The following GALNT18 variants were observed in gnomAD, a reference collection of about 807,000 sequenced individuals.
The protein encoded by GALNT18 is polypeptide N-acetylgalactosaminyltransferase 18.
GALNT18 carries 44 observed loss-of-function variants against 69.5 expected under a neutral mutation model. That is an observed-to-expected ratio of 0.63 (90% CI 0.50 to 0.81). GALNT18 has a LOEUF of 0.81. Among genes scored for constraint, GALNT18 ranks in the 40% least tolerant of loss-of-function variants. GALNT18 has a pLI of 0.00. For synonymous variants in GALNT18, 364 were observed against 318.2 expected (o/e 1.14, Z -1.53); for missense variants, 715 against 810.0 (o/e 0.88, Z 1.42).
chr11:11,324,977 C>T (rs1467354424), intron 9 of GALNT18, among the ~76,000 whole-genome samples: 4 of 152,162 alleles, frequency 2.6e-5, no homozygotes, highest in Non-Finnish European at 5.9e-5. Context: ...AGTAGAACTA[C>T]CATTTGATCC....
chr11:11,381,708 A>G (rs927875697), intron 3 of GALNT18, among the ~76,000 whole-genome samples: 6 of 152,032 alleles, frequency 3.9e-5, no homozygotes, highest in African/African-American at 1.2e-4. Flanking sequence ...TCATTAGGCC[A>G]CCCCACAAAG....
At chr11:11,330,655 C>G (rs971811573) in intron 8 of GALNT18, among the ~76,000 whole-genome samples, 1 of 152,202 alleles carries the variant, frequency 6.6e-6, no homozygotes, top group African/African-American at 2.4e-5. Flanking sequence ...AGGCCCAGCT[C>G]TGGACTCAGA....
At chr11:11,280,955 A>C (rs926182716) in intron 10 of GALNT18, among the ~76,000 whole-genome samples, 10 of 152,188 alleles carry the variant, frequency 6.6e-5, no homozygotes, top group African/African-American at 2.4e-4. Context: ...TCCATGGCCC[A>C]CATTTCCTTA....
At chr11:11,277,058 A>G (rs1287930224) in intron 10 of GALNT18, among the ~76,000 whole-genome samples, 3 of 151,924 alleles carry the variant, frequency 2.0e-5, no homozygotes, top group African/African-American at 4.8e-5. Flanking sequence ...CTCTTTTTCT[A>G]TTGATTGGAA....
At chr11:11,420,927 T>C (rs147355494) in intron 3 of GALNT18, among the ~76,000 whole-genome samples, 1 of 152,138 alleles carries the variant, frequency 6.6e-6, no homozygotes, top group Non-Finnish European at 1.5e-5. Context: ...CTTTTTTTTT[T>C]GTATTTGATT....
chr11:11,464,564 C>T (rs1856116084), intron 1 of GALNT18, among the ~76,000 whole-genome samples: 1 of 152,226 alleles, frequency 6.6e-6, no homozygotes, highest in African/African-American at 2.4e-5. Flanking sequence ...GAGAAAGACA[C>T]ATTGGCTTGC....
intron 1 of GALNT18, among the ~76,000 whole-genome samples, chr11:11,460,598 C>G (rs1164002204): frequency 6.6e-6 from 1 of 152,200 alleles, no homozygotes; most frequent in Non-Finnish European, 1.5e-5. Context: ...CTCCCTCGTA[C>G]ACTCACTAAC....
rs1850127681 is a variant in GALNT18, at chr11:11,337,121, A to C, written c.1278+3698T>G. 6.6e-6 allele frequency among the ~76,000 whole-genome samples: 1 copy of C among 152,176 alleles called. No individual in the cohort carries two copies. The highest frequency in any genetic ancestry group is 2.4e-5 in the African/African-American group (1 of 41,428). ...TTGTAGATTCTGGCACCTACCGCTC[A>C]AAATCCTCTCTGAGGATGAGACCCA... On this transcript the variant is annotated intron_variant, in intron 7 of 10. Coordinates refer to ENST00000227756, the MANE Select transcript of GALNT18 (RefSeq NM_198516.3). This position sits in a 1 kb window ranked among gnomAD's most constrained non-coding sequence, Gnocchi z 4.9.
In GALNT18 at chr11:11,389,481, G is replaced by A. The variant is rs551152722; in HGVS notation, c.596-10217C>T. Among the ~76,000 whole-genome samples the A allele has an allele frequency of 2.0e-5, 3 of 152,202 alleles. No individual in the cohort carries two copies. The highest frequency in any genetic ancestry group is 3.8e-4 in the East Asian group (2 of 5,198). On this transcript the variant is annotated intron_variant, in intron 3 of 10. Transcript: ENST00000227756. The surrounding 1 kb of genome is among the most constrained non-coding windows in gnomAD (Gnocchi z 4.3). Reference sequence around the variant, plus strand: ...GAGGAAAATCCTGTAAAGTAAAGGTGGGGCAATGGACCAAACACTGTGAAA... The same window carrying A: ...GAGGAAAATCCTGTAAAGTAAAGGTAGGGCAATGGACCAAACACTGTGAAA...
At chr11:11,495,501 T>C (rs1375076764) in intron 1 of GALNT18, among the ~76,000 whole-genome samples, 2 of 152,086 alleles carry the variant, frequency 1.3e-5, no homozygotes, top group African/African-American at 4.8e-5. Context: ...CCAAATGAGC[T>C]CCACTCTTAA....
rs1479633380 is a variant in GALNT18 at position 11,562,970 on chromosome 11, C to A, written c.235+58389G>T. Among the ~76,000 whole-genome samples the A allele has an allele frequency of 6.6e-6, 1 of 152,178 alleles. No homozygotes were observed. On this transcript the variant is annotated intron_variant, in intron 1 of 10. Transcript: ENST00000227756. The surrounding 1 kb of genome is among the most constrained non-coding windows in gnomAD (Gnocchi z 4.1). The stretch of plus-strand genomic sequence containing the variant: ...GATCGGAAGAGACTCCCAGGAACTA[C>A]ATGCTTCCAACATGTGCTCTTTCTC...
At position 11,383,637 on chromosome 11, in the gene GALNT18, A is replaced by C. The variant is rs1409324236; in HGVS notation, c.596-4373T>G. ...AGTTCACCCATTCATTCATTCATTC[A>C]TTCAACAAATATTGAACACTTACTG... is the stretch of plus-strand genomic sequence containing the variant. On this transcript the variant is annotated intron_variant, in intron 3 of 10. Coordinates refer to ENST00000227756, the MANE Select transcript of GALNT18 (RefSeq NM_198516.3). The surrounding 1 kb of genome is among the most constrained non-coding windows in gnomAD (Gnocchi z 5.2). Among the ~76,000 whole-genome samples the C allele has an allele frequency of 1.3e-5, 2 of 152,164 alleles. No individual in the cohort carries two copies. The highest frequency in any genetic ancestry group is 2.9e-5 in the Non-Finnish European group (2 of 68,036).
At chr11:11,506,579 T>C (rs1447100468) in intron 1 of GALNT18, among the ~76,000 whole-genome samples, 4 of 152,220 alleles carry the variant, frequency 2.6e-5, no homozygotes, top group Non-Finnish European at 4.4e-5. Context: ...TGGCCATGCA[T>C]CAACCAGAAC....
rs1274567623 is a variant in GALNT18 at position 11,337,534 on chromosome 11, C to A, written c.1278+3285G>T. On this transcript the variant is annotated intron_variant, in intron 7 of 10. Transcript: ENST00000227756. This position sits in a 1 kb window ranked among gnomAD's most constrained non-coding sequence, Gnocchi z 4.9. Reference sequence around the variant, plus strand: ...AGCCACTGTTCTAATGAGAGGGAGACTTTTAGATAACAGAACACTCTTTCA... The same window carrying A: ...AGCCACTGTTCTAATGAGAGGGAGAATTTTAGATAACAGAACACTCTTTCA... 6.6e-6 allele frequency among the ~76,000 whole-genome samples: 1 copy of A among 152,010 alleles called. No homozygotes were observed. Among genetic ancestry groups the A allele is most frequent in the Non-Finnish European group, 1.5e-5 (1 of 67,998 alleles).
In GALNT18 at chr11:11,605,271, G is replaced by A. The variant is rs1474439419; in HGVS notation, c.235+16088C>T. ...GCCAGCAGATAACTTGGAGTTCCAGGCTGCCCACCTTGACACCTGGGCCAT... is the reference window on the plus strand; with the variant it reads ...GCCAGCAGATAACTTGGAGTTCCAGACTGCCCACCTTGACACCTGGGCCAT... On this transcript the variant is annotated intron_variant, in intron 1 of 10. Transcript: ENST00000227756. This position sits in a 1 kb window ranked among gnomAD's most constrained non-coding sequence, Gnocchi z 4.7. Among the ~76,000 whole-genome samples the A allele has an allele frequency of 1.3e-5, 2 of 152,142 alleles. No homozygotes were observed. The highest frequency in any genetic ancestry group is 6.5e-5 in the Admixed American group (1 of 15,276).
intron 1 of GALNT18, among the ~76,000 whole-genome samples, chr11:11,567,575 G>T (rs144229470): frequency 6.6e-6 from 1 of 152,146 alleles, no homozygotes; most frequent in East Asian, 1.9e-4. Context: ...AGCATTGTTC[G>T]TCAGCGGTGC....
intron 9 of GALNT18, among the ~76,000 whole-genome samples, chr11:11,298,517 G>A (rs1002387987): frequency 6.6e-6 from 1 of 152,298 alleles, no homozygotes; most frequent in African/African-American, 2.4e-5. Flanking sequence ...CTGCACTGAT[G>A]GCCACTGCCT....
At position 11,582,619 on chromosome 11, in the gene GALNT18, C is replaced by T. The variant is rs142375534; in HGVS notation, c.235+38740G>A. On this transcript the variant is annotated intron_variant, in intron 1 of 10. Transcript: ENST00000227756. This position sits in a 1 kb window ranked among gnomAD's most constrained non-coding sequence, Gnocchi z 5.0. ...AGCCCAGTTCCTGGATTGTAGATAT[C>T]GTGTGAAGCAGCGCAGACTTTCAGT... is the stretch of plus-strand genomic sequence containing the variant. Among the ~76,000 whole-genome samples the T allele has an allele frequency of 4.2e-3, 641 of 152,338 alleles. 7 individuals are homozygous for T. Among genetic ancestry groups the T allele is most frequent in the African/African-American group, 0.014 (600 of 41,576 alleles).
chr11:11,534,951 G>A (rs537400952), intron 1 of GALNT18, among the ~76,000 whole-genome samples: 97 of 152,372 alleles, frequency 6.4e-4, no homozygotes, highest in East Asian at 1.2e-3. Context: ...CAGTGGGGAC[G>A]CCATGGGGCA....
Sources: gnomAD v4.1 joint callset for allele counts (sites outside exome capture counted in the v4.1 genomes callset) on GRCh38, gnomAD v4.1.1 for gene constraint, Gnocchi (gnomAD v3.1) non-coding constraint, MANE v1.5 for transcripts, NCBI Gene and HGNC (gene_info 2026-07-23, HGNC 2026-07-21) for gene names.